The following OLFM2 variants were observed in gnomAD, a reference collection of about 807,000 sequenced individuals.
The protein encoded by OLFM2 is olfactomedin 2, also known as noelin-2.
OLFM2 carries 20 observed loss-of-function variants against 43.9 expected under a neutral mutation model. The ratio of observed to expected loss-of-function variants is 0.46; its 90% CI spans 0.32 to 0.66. The LOEUF (loss-of-function observed/expected upper bound fraction) is 0.66, where lower values mean the gene tolerates loss of function less well. Ranked by LOEUF, OLFM2 falls within the 30% of genes least tolerant of loss-of-function variation. The pLI is 0.04. For synonymous variants in OLFM2, 268 were observed against 278.6 expected (o/e 0.96, Z 0.38); for missense variants, 416 against 643.6 (o/e 0.65, Z 3.83).
At chr19:9,913,537 G>T (rs2046846741) in intron 1 of OLFM2, 1 of 1,220,236 alleles carries the variant, frequency 8.2e-7, no homozygotes, top group Non-Finnish European at 1.0e-6. Flanking sequence ...CCACGAGCGA[G>T]GGCAGCGTCT....
At chr19:9,860,003 G>C (rs1325986367) in intron 2 of OLFM2, among the ~76,000 whole-genome samples, 2 of 152,238 alleles carry the variant, frequency 1.3e-5, no homozygotes, top group East Asian at 3.9e-4. Context: ...TTAGCTGGGC[G>C]TGGTGGCACA....
intron 1 of OLFM2, among the ~76,000 whole-genome samples, chr19:9,877,964 TGCCTTA>T: frequency 6.6e-6 from 1 of 152,272 alleles, no homozygotes; most frequent in Admixed American, 6.5e-5. Context: ...TCGATCCCCC[TGCCTTA>T]GCCTCCTGAG....
intron 1 of OLFM2, among the ~76,000 whole-genome samples, chr19:9,880,174 T>G (rs1432727663): frequency 1.3e-5 from 2 of 152,052 alleles, no homozygotes; most frequent in Non-Finnish European, 2.9e-5. Context: ...CAGAGCCTGG[T>G]TTTGAGGGTG....
chr19:9,926,889 G>A (rs562331149), intron 1 of OLFM2, among the ~76,000 whole-genome samples: 37 of 152,196 alleles, frequency 2.4e-4, no homozygotes, highest in African/African-American at 7.9e-4. Flanking sequence ...GGTGGCTGAG[G>A]TGGGAGGATT....
At chr19:9,891,709 G>A (rs2046642039) in intron 1 of OLFM2, among the ~76,000 whole-genome samples, 1 of 152,074 alleles carries the variant, frequency 6.6e-6, no homozygotes, top group African/African-American at 2.4e-5. Flanking sequence ...CAACCCTCAT[G>A]TATCATGAGC....
At chr19:9,902,787 C>G (rs1351760371) in intron 1 of OLFM2, among the ~76,000 whole-genome samples, 1 of 152,102 alleles carries the variant, frequency 6.6e-6, no homozygotes, top group African/African-American at 2.4e-5. Flanking sequence ...CTCACTGGAG[C>G]CTCGACTTCC....
intron 1 of OLFM2, among the ~76,000 whole-genome samples, chr19:9,931,085 A>G (rs78927057): frequency 0.025 from 3,769 of 152,002 alleles, 116 homozygotes; most frequent in Middle Eastern, 0.082. Context: ...ATCCAGCCCC[A>G]AGGGGCTCTT....
At chr19:9,879,320 C>CG (rs2046519358) in intron 1 of OLFM2, among the ~76,000 whole-genome samples, 1 of 145,626 alleles carries the variant, frequency 6.9e-6, no homozygotes, top group Admixed American at 6.8e-5. Flanking sequence ...TTAGTAGAGA[C>CG]GGGGTTTCTC....
intron 1 of OLFM2, among the ~76,000 whole-genome samples, chr19:9,862,861 G>T (rs1376081623): frequency 3.3e-5 from 5 of 151,920 alleles, no homozygotes; most frequent in South Asian, 2.1e-4. Flanking sequence ...TATAATCCCA[G>T]CTACTTGGGA....
At chr19:9,914,136 A>C (rs113116532) in intron 1 of OLFM2, among the ~76,000 whole-genome samples, 65,986 of 150,068 alleles carry the variant, frequency 0.44, 14,811 homozygotes, top group Admixed American at 0.56. Context: ...CCGCACGCAG[A>C]CCCTCTTCGA....
At chr19:9,862,370 C>A (rs2046370729) in intron 1 of OLFM2, among the ~76,000 whole-genome samples, 1 of 151,990 alleles carries the variant, frequency 6.6e-6, no homozygotes, top group Non-Finnish European at 1.5e-5. Context: ...CATTACAAAT[C>A]CTGATCAATG....
chr19:9,896,199 C>T (rs917030655), intron 1 of OLFM2, among the ~76,000 whole-genome samples: 4 of 143,202 alleles, frequency 2.8e-5, no homozygotes, highest in Admixed American at 7.5e-5. Flanking sequence ...GTCCCGGGTT[C>T]ATGCCATTCT....
At position 9,857,633 on chromosome 19, in the gene OLFM2, G is replaced by T; in HGVS notation, c.360+82C>A. The T allele has an allele frequency of 3.8e-6, 6 of 1,598,120 alleles. No homozygotes were observed. Among genetic ancestry groups the T allele is most frequent in the Non-Finnish European group, 5.1e-6 (6 of 1,166,578 alleles). On this transcript the variant is annotated intron_variant, in intron 3 of 5. Transcript: ENST00000264833. The surrounding 1 kb of genome is among the most constrained non-coding windows in gnomAD (Gnocchi z 5.7). The stretch of plus-strand genomic sequence containing the variant: ...CATATTGGACCCTAGATTCTTCCCA[G>T]ACATGACTCCATTGTAGGAACTAAT...
At chr19:9,921,860 G>A (rs8106682) in intron 1 of OLFM2, among the ~76,000 whole-genome samples, 8,477 of 152,144 alleles carry the variant, frequency 0.056, 682 homozygotes, top group African/African-American at 0.18. Flanking sequence ...TTGGGAGGCC[G>A]GGGCGGGAGG....
chr19:9,899,657 TCCTC>T (rs1446938106), intron 1 of OLFM2, among the ~76,000 whole-genome samples: 1 of 152,142 alleles, frequency 6.6e-6, no homozygotes, highest in African/African-American at 2.4e-5. Flanking sequence ...GCCCCAGTGA[TCCTC>T]CCATTTCAGC....
intron 1 of OLFM2, among the ~76,000 whole-genome samples, chr19:9,923,413 G>C (rs2086432391): frequency 6.6e-6 from 1 of 151,708 alleles, no homozygotes; most frequent in Non-Finnish European, 1.5e-5. Context: ...AAATTAGCCA[G>C]GTATGGTGGG....
chr19:9,932,378 C>T (rs1044148541), intron 1 of OLFM2, among the ~76,000 whole-genome samples: 2 of 150,220 alleles, frequency 1.3e-5, no homozygotes, highest in East Asian at 2.0e-4. Context: ...TCACTTGAAC[C>T]GGTGAGGCAA....
chr19:9,880,723 C>T (rs2046532658), intron 1 of OLFM2, among the ~76,000 whole-genome samples: 1 of 152,188 alleles, frequency 6.6e-6, no homozygotes, highest in Non-Finnish European at 1.5e-5. Context: ...TCAAAAGAAA[C>T]TAATGCTTTG....
chr19:9,922,064 G>A (rs1421784937), intron 1 of OLFM2, among the ~76,000 whole-genome samples: 12 of 150,600 alleles, frequency 8.0e-5, no homozygotes, highest in African/African-American at 2.4e-4. Flanking sequence ...ACTGCACTCC[G>A]GCCTGGGCAA....
Sources: gnomAD v4.1 joint callset for allele counts (sites outside exome capture counted in the v4.1 genomes callset) on GRCh38, gnomAD v4.1.1 for gene constraint, Gnocchi (gnomAD v3.1) non-coding constraint, MANE v1.5 for transcripts, NCBI Gene and HGNC (gene_info 2026-07-23, HGNC 2026-07-21) for gene names.